The following LAMC2 variants were observed in gnomAD, a reference collection of about 807,000 sequenced individuals.
LAMC2 encodes the protein laminin subunit gamma-2.
In LAMC2, 97 loss-of-function variants were observed where a neutral mutation model predicts 140.2. That is an observed-to-expected ratio of 0.69 (90% CI 0.59 to 0.82). The LOEUF is 0.82. Ranked by LOEUF, LAMC2 falls within the 40% of genes least tolerant of loss-of-function variation. The pLI, the probability that LAMC2 is intolerant of heterozygous loss-of-function variation, is 0.00. For missense variants in LAMC2, 1,402 were observed against 1,476.1 expected, an observed-to-expected ratio of 0.95 and a Z score of 0.82; for synonymous variants, 513 against 540.2, an observed-to-expected ratio of 0.95 and a Z score of 0.70.
At chr1:183,208,888 C>T (rs952712892) in intron 2 of LAMC2, among the ~76,000 whole-genome samples, 1 of 151,932 alleles carries the variant, frequency 6.6e-6, no homozygotes, top group Admixed American at 6.6e-5. Flanking sequence ...ATTATGTTGG[C>T]CAGGCTGGTC....
chr1:183,186,574 G>C, intron 1 of LAMC2, 143 bp downstream of exon 1: 1 of 782,184 alleles, frequency 1.3e-6, no homozygotes, highest in African/African-American at 2.6e-5. Flanking sequence ...CCCCTATCTG[G>C]GGCTCCTCCA....
At chr1:183,188,026 A>G (rs575746032) in intron 1 of LAMC2, among the ~76,000 whole-genome samples, 2 of 152,364 alleles carry the variant, frequency 1.3e-5, no homozygotes, top group South Asian at 2.1e-4. Context: ...ATAAATATAT[A>G]GGATGCTATC....
intron 1 of LAMC2, among the ~76,000 whole-genome samples, chr1:183,189,291 C>G (rs1398835736): frequency 1.3e-5 from 2 of 152,106 alleles, no homozygotes; most frequent in East Asian, 3.9e-4. Flanking sequence ...AGGATGAGGA[C>G]TATAAAAGAA....
chr1:183,205,991 T>C (rs939044004), intron 1 of LAMC2, among the ~76,000 whole-genome samples: 2 of 152,132 alleles, frequency 1.3e-5, no homozygotes, highest in Non-Finnish European at 2.9e-5. Context: ...TAGGGATTTA[T>C]AAAAAGAATG....
Position 183,228,911 on chromosome 1 carries a change from A to C in LAMC2, c.1714+292A>C, listed in dbSNP as rs1031250177. 6.6e-6 allele frequency among the ~76,000 whole-genome samples: 1 copy of C among 152,208 alleles called. No individual in the cohort carries two copies. The highest frequency in any genetic ancestry group is 2.4e-5 in the African/African-American group (1 of 41,456). ...AGGATGTAACACGGGGCCACATCCT[A>C]TGCCCAATCCCAAGGCAGGGAGGCA... On this transcript the variant is annotated intron_variant, in intron 11 of 22. Coordinates refer to ENST00000264144, the MANE Select transcript of LAMC2 (RefSeq NM_005562.3). The surrounding 1 kb of genome is among the most constrained non-coding windows in gnomAD (Gnocchi z 4.3).
chr1:183,257,731 C>T, the LAMC2 span, among the ~76,000 whole-genome samples: 1 of 149,494 alleles, frequency 6.7e-6, no homozygotes, highest in South Asian at 2.1e-4. Context: ...ACTTTCATTT[C>T]TGATTTTATA....
intron 16 of LAMC2, 103 bp from the exon 17 acceptor site, chr1:183,236,357 C>T: frequency 8.7e-7 from 1 of 1,149,044 alleles, no homozygotes; most frequent in Non-Finnish European, 1.3e-6. Flanking sequence ...CCACTGCACT[C>T]CAGCCTGGAC....
intron 12 of LAMC2, among the ~76,000 whole-genome samples, chr1:183,231,439 T>G (rs10911289): frequency 6.6e-6 from 1 of 152,204 alleles, no homozygotes; most frequent in Non-Finnish European, 1.5e-5. Context: ...TTTTTCAAAG[T>G]GATATGGGTA....
chr1:183,212,982 T>TAGAG (rs1659118628), intron 2 of LAMC2, among the ~76,000 whole-genome samples: 1 of 152,238 alleles, frequency 6.6e-6, no homozygotes, highest in African/African-American at 2.4e-5. Context: ...CAGACCCCTC[T>TAGAG]AATCCAGGCC....
chr1:183,254,161 A>G, the LAMC2 span, among the ~76,000 whole-genome samples: 2 of 152,062 alleles, frequency 1.3e-5, no homozygotes, highest in African/African-American at 4.8e-5. Context: ...AGGAACCTCT[A>G]TTCTGTTTTC....
At chr1:183,225,895 T>G (rs1474758252) in intron 8 of LAMC2, among the ~76,000 whole-genome samples, 175 bp downstream of exon 8, 3 of 152,192 alleles carry the variant, frequency 2.0e-5, no homozygotes, top group Non-Finnish European at 4.4e-5. Context: ...AGAAGAAATG[T>G]TTCTCTAAAA....
chr1:183,238,331 G>C lies in LAMC2; in HGVS notation c.2779G>C (p.Ala927Pro). 6.2e-7 allele frequency: 1 copy of C among 1,614,016 alleles called. No individual in the cohort carries two copies. The highest frequency in any genetic ancestry group is 8.5e-7 in the Non-Finnish European group (1 of 1,179,924). ...GAAATCAGATCAGCTGCTTTCCCGT[G>C]CCAATCTTGCTAAAAGCAGAGCACA... ...REKSDQLLSR[A>P]NLAKSRAQEA... The change falls in exon 19 of 23, where the codon GCC becomes CCC. Residue 927 changes from alanine to proline, a missense_variant. Physicochemically the swap from Ala to Pro is conservative, Grantham distance 27. Coordinates refer to ENST00000264144, the MANE Select transcript of LAMC2 (RefSeq NM_005562.3).
At chr1:183,237,675 T>C (rs1660008782) in intron 18 of LAMC2, among the ~76,000 whole-genome samples, 171 bp downstream of exon 18, 1 of 152,016 alleles carries the variant, frequency 6.6e-6, no homozygotes, top group South Asian at 2.1e-4. Context: ...ACTCAGGAGT[T>C]TGAGACCAGC....
intron 1 of LAMC2, among the ~76,000 whole-genome samples, chr1:183,199,106 T>C (rs1005201459): frequency 2.9e-4 from 39 of 135,764 alleles, no homozygotes; most frequent in Admixed American, 8.0e-4. Context: ...TCTTTTTTTT[T>C]TTTTTTTTTT....
chr1:183,240,564 T>C, intron 22 of LAMC2, 173 bp downstream of exon 22: 2 of 1,445,928 alleles, frequency 1.4e-6, no homozygotes, highest in Non-Finnish European at 1.8e-6. Flanking sequence ...TTACATTTAC[T>C]GGACCCTGTT....
At chr1:183,204,017 T>C (rs1362692696) in intron 1 of LAMC2, among the ~76,000 whole-genome samples, 5 of 152,180 alleles carry the variant, frequency 3.3e-5, no homozygotes, top group African/African-American at 1.2e-4. Context: ...GGGGCAGGCA[T>C]GGTAGCTCAT....
chr1:183,232,951 T>C, intron 14 of LAMC2, 94 bp downstream of exon 14: 2 of 1,170,206 alleles, frequency 1.7e-6, no homozygotes, highest in South Asian at 1.3e-5. Context: ...TCTCAGTGGC[T>C]CACTTTCTGT....
chr1:183,197,548 C>T (rs35127277), intron 1 of LAMC2, among the ~76,000 whole-genome samples: 287 of 152,016 alleles, frequency 1.9e-3, no homozygotes, highest in Non-Finnish European at 2.7e-3. Flanking sequence ...TGCTGGCGGG[C>T]GCCTATAGTC....
Position 183,215,453 on chromosome 1 carries a change from G to T in LAMC2, c.269G>T (p.Gly90Val), listed in dbSNP as rs1187993541. The T allele has an allele frequency of 1.2e-6, 2 of 1,613,948 alleles. No homozygotes were observed. Among genetic ancestry groups the T allele is most frequent in the Non-Finnish European group, 1.7e-6 (2 of 1,179,982 alleles). Residue 90 changes from glycine to valine, a missense_variant and splice_region_variant, in exon 3 of 23, where the codon GGT (glycine) becomes GTT (valine). Gly to Val is a moderately radical substitution (Grantham distance 109, BLOSUM62 -3). This residue lies in a region of LAMC2 where 723 missense variants were observed against 783.3 expected (regional missense o/e 0.92). Coordinates refer to ENST00000264144, the MANE Select transcript of LAMC2 (RefSeq NM_005562.3). ...RCLPCNCNSK[G>V]SLSARCDNSG... ...CTTTCCCCTACCTTGTGGGTTTCAG[G>T]TTCTCTTAGTGCTCGATGTGACAAC... is the stretch of plus-strand genomic sequence containing the variant.
Sources: gnomAD v4.1 joint callset for allele counts (sites outside exome capture counted in the v4.1 genomes callset) on GRCh38, gnomAD v4.1.1 for gene constraint, gnomAD v4.1.1 regional missense constraint, Gnocchi (gnomAD v3.1) non-coding constraint, MANE v1.5 for transcripts, NCBI Gene and HGNC (gene_info 2026-07-23, HGNC 2026-07-21) for gene names.